Variants in FAM53C observed in about 807,000 individuals in gnomAD.
The protein encoded by FAM53C is family with sequence similarity 53 member C.
FAM53C carries 10 observed loss-of-function variants against 34.7 expected under a neutral mutation model. That is an observed-to-expected ratio of 0.29 (90% CI 0.18 to 0.49). The LOEUF (loss-of-function observed/expected upper bound fraction) is 0.49. FAM53C is among the 20% of genes least tolerant of loss of function. The probability of loss-of-function intolerance (pLI) is 0.99; values close to 1 mark genes in which losing one functional copy is unlikely to be tolerated. For synonymous variants in FAM53C, 203 were observed against 203.6 expected, an observed-to-expected ratio of 1.00 and a Z score of 0.03; for missense variants, 442 against 515.3, an observed-to-expected ratio of 0.86 and a Z score of 1.38.
rs574639108 is a variant in FAM53C at position 138,344,074 on chromosome 5, G to A, written c.137-751G>A. On this transcript the variant is annotated intron_variant, in intron 3 of 4. Transcript: ENST00000239906. ...GTCACAATTTTGGTTGGAATACAGT[G>A]AGTGAGGATTGTTTCTTTTAGTCCA... 9.8e-5 allele frequency among the ~76,000 whole-genome samples: 15 copies of A among 152,298 alleles called. No homozygotes were observed. In the South Asian group the frequency reaches 1.9e-3, roughly 19 times the overall value.
At chr5:138,343,054 C>T (rs996361859) in intron 3 of FAM53C, 2 of 150,754 alleles carry the variant, frequency 1.3e-5, no homozygotes, top group African/African-American at 2.4e-5. Context: ...ACAAAAAAAA[C>T]TTTAATATAG....
chr5:138,346,917 G>C lies in FAM53C; in HGVS notation c.1137G>C (p.Arg379=), dbSNP rs141901334. 5.0e-4 allele frequency: 803 copies of C among 1,614,140 alleles called. 3 individuals are homozygous for C. In the African/African-American group the frequency reaches 8.3e-3, roughly 17 times the overall value. The change falls in exon 5 of 5, where the codon CGG becomes CGC. Residue 379 remains arginine (R), a synonymous_variant. Coordinates refer to ENST00000239906, the MANE Select transcript of FAM53C (RefSeq NM_016605.3). ...TGAGCAAGCGGACACTGTGCCAGCGGGACTTTGGGGACCTGGACTTGAATT... is the reference window on the plus strand; with the variant it reads ...TGAGCAAGCGGACACTGTGCCAGCGCGACTTTGGGGACCTGGACTTGAATT... ...QALSKRTLCQ[R]DFGDLDLNLI...
chr5:138,345,341 A>G lies in FAM53C; in HGVS notation c.653A>G (p.Asp218Gly), dbSNP rs1476922080. 2 of 1,614,022 alleles carry G rather than the reference A, an allele frequency of 1.2e-6. No individual in the cohort carries two copies. The highest frequency in any genetic ancestry group is 1.7e-6 in the Non-Finnish European group (2 of 1,180,026). Residue 218 changes from aspartate to glycine, a missense_variant, in exon 4 of 5, where the codon GAT becomes GGT. By Grantham distance (94) the Asp-to-Gly change is moderately conservative (BLOSUM62 -1). Transcript: ENST00000239906. This position sits in a 1 kb window ranked among gnomAD's most constrained non-coding sequence, Gnocchi z 6.3. ...CCTCAAAGTGGCTCCTGGGAGAGTG[A>G]TGCTGAGTCCTTGTCACCTTGCCCA... ...ASPQSGSWES[D>G]AESLSPCPPQ...
At position 138,338,314 on chromosome 5, in the gene FAM53C, G is replaced by A. The variant is rs573063940; in HGVS notation, c.-153+7G>A. On this transcript the variant is annotated splice_region_variant and intron_variant, in intron 1 of 4. Transcript: ENST00000239906. Reference sequence around the variant, plus strand: ...GGGAGCTGGAGGAACCGCGGTAGGTGGTGGAGGGCAGGTGGCGCTGGGGCC... The same window carrying A: ...GGGAGCTGGAGGAACCGCGGTAGGTAGTGGAGGGCAGGTGGCGCTGGGGCC... 2 of 523,232 alleles carry A rather than the reference G, an allele frequency of 3.8e-6. No homozygotes were observed. Among genetic ancestry groups the A allele is most frequent in the East Asian group, 7.2e-5 (1 of 13,916 alleles). 32.4% of individuals were successfully genotyped at this position (523,232 alleles called of 1,614,324 possible). A position where few individuals can be genotyped will look rare whatever the true frequency, so the allele number is the denominator to read the frequency against.
rs774010180 is a variant in FAM53C at position 138,344,822 on chromosome 5, C to T, written c.137-3C>T. On this transcript the variant is annotated splice_region_variant and splice_polypyrimidine_tract_variant and intron_variant, in intron 3 of 4. Coordinates refer to ENST00000239906, the MANE Select transcript of FAM53C (RefSeq NM_016605.3). Reference sequence around the variant, plus strand: ...TATTATTCTTATTATAAATGCCTTCCAGAAGGTGCTTCCTGGAGGGGCCTG... The same window carrying T: ...TATTATTCTTATTATAAATGCCTTCTAGAAGGTGCTTCCTGGAGGGGCCTG... 1.3e-6 allele frequency: 2 copies of T among 1,530,194 alleles called. No homozygotes were observed. Among genetic ancestry groups the T allele is most frequent in the East Asian group, 2.3e-5 (1 of 43,870 alleles). 94.8% of individuals were successfully genotyped at this position (1,530,194 alleles called of 1,614,324 possible).
rs1000041722 is a variant in FAM53C at position 138,348,927 on chromosome 5, G to T, written c.*1968G>T. The T allele has an allele frequency of 1.3e-5, 2 of 152,260 alleles. No homozygotes were observed. The highest frequency in any genetic ancestry group is 4.8e-5 in the African/African-American group (2 of 41,458). The allele number at this position is 152,260 out of a possible 1,614,324, so 9.4% of individuals were successfully genotyped here. A position where few individuals can be genotyped will look rare whatever the true frequency, so the allele number is the denominator to read the frequency against. On this transcript the variant is annotated 3_prime_UTR_variant, in exon 5 of 5. Coordinates refer to ENST00000239906, the MANE Select transcript of FAM53C (RefSeq NM_016605.3). ...TCTCTGCTGTAGATTGGCTGTGCCA[G>T]CTTCCAACAGGTTACTGGCAATGCC...
At position 138,347,140 on chromosome 5, in the gene FAM53C, C is replaced by G. The variant is rs1197463119; in HGVS notation, c.*181C>G. On this transcript the variant is annotated 3_prime_UTR_variant, in exon 5 of 5. Coordinates refer to ENST00000239906, the MANE Select transcript of FAM53C (RefSeq NM_016605.3). ...GACCATGCCAAGAGACTGGCCGGGA[C>G]AAGATAAACGGAGCTGGTGGCGGGA... 3.5e-6 allele frequency: 3 copies of G among 851,194 alleles called. No individual in the cohort carries two copies. The highest frequency in any genetic ancestry group is 1.7e-5 in the African/African-American group (1 of 58,928). 52.7% of individuals were successfully genotyped at this position (851,194 alleles called of 1,614,324 possible).
At chr5:138,344,472 TCTTGA>T (rs1761114555) in intron 3 of FAM53C, among the ~76,000 whole-genome samples, 1 of 152,370 alleles carries the variant, frequency 6.6e-6, no homozygotes, top group African/African-American at 2.4e-5. Flanking sequence ...TGTTTGTTTC[TCTTGA>T]CTTCTTTTAC....
rs1382809277 is a variant in FAM53C, at chr5:138,346,574, A to G, written c.922-128A>G. On this transcript the variant is annotated intron_variant, in intron 4 of 4. Transcript: ENST00000239906. Reference sequence around the variant, plus strand: ...GGGAGGCAGAGCTTGCAGTGAGCCAAGATCACGCCACTGCACTCCAGCCAG... The same window carrying G: ...GGGAGGCAGAGCTTGCAGTGAGCCAGGATCACGCCACTGCACTCCAGCCAG... 4.2e-6 allele frequency: 5 copies of G among 1,192,412 alleles called. No homozygotes were observed. In the African/African-American group the frequency reaches 4.6e-5, roughly 11 times the overall value. 73.9% of individuals were successfully genotyped at this position (1,192,412 alleles called of 1,614,324 possible).
rs1761266818 is a variant in FAM53C, at chr5:138,349,618, T to C, written c.*2659T>C. ...GAAAAAAATTTTCGTAAACTTTGTT[T>C]TATATTAAAAGAAAAATCCATAAGT... is the stretch of plus-strand genomic sequence containing the variant. On this transcript the variant is annotated 3_prime_UTR_variant, in exon 5 of 5. Coordinates refer to ENST00000239906, the MANE Select transcript of FAM53C (RefSeq NM_016605.3). 6.6e-6 allele frequency: 1 copy of C among 152,556 alleles called. No homozygotes were observed. The highest frequency in any genetic ancestry group is 1.5e-5 in the Non-Finnish European group (1 of 68,040). 9.5% of individuals were successfully genotyped at this position (152,556 alleles called of 1,614,324 possible).
chr5:138,344,593 C>T (rs1761116991), intron 3 of FAM53C, among the ~76,000 whole-genome samples: 1 of 152,234 alleles, frequency 6.6e-6, no homozygotes, highest in African/African-American at 2.4e-5. Flanking sequence ...GCCTTCGCAT[C>T]AGACAGACCT....
rs779426709 is a variant in FAM53C, at chr5:138,345,221, C to T, written c.533C>T (p.Ala178Val). The T allele has an allele frequency of 1.9e-6, 3 of 1,614,240 alleles. No homozygotes were observed. Among genetic ancestry groups the T allele is most frequent in the Admixed American group, 1.7e-5 (1 of 60,034 alleles). ...CTCAGGTTCCTCCAAGCTCCCAGTG[C>T]CTCTTCTCAATGTGCCCCAGCTCAC... ...SSLRFLQAPSASSQCAPAHRP... is the reference protein window; with the variant it reads ...SSLRFLQAPSVSSQCAPAHRP... Residue 178 changes from alanine to valine, a missense_variant, in exon 4 of 5, where the codon GCC becomes GTC. By Grantham distance (64) the Ala-to-Val change is moderately conservative (BLOSUM62 0). Coordinates refer to ENST00000239906, the MANE Select transcript of FAM53C (RefSeq NM_016605.3). This position sits in a 1 kb window ranked among gnomAD's most constrained non-coding sequence, Gnocchi z 6.3.
At chr5:138,338,889 C>T (rs1444487694) in intron 1 of FAM53C, among the ~76,000 whole-genome samples, 1 of 152,244 alleles carries the variant, frequency 6.6e-6, no homozygotes, top group African/African-American at 2.4e-5. Flanking sequence ...GGGTTTGTGA[C>T]TCTCCTCCCT....
chr5:138,338,386 TC>T, intron 1 of FAM53C, 79 bp downstream of exon 1: 1 of 361,882 alleles, frequency 2.8e-6, no homozygotes, highest in Admixed American at 4.0e-5. Flanking sequence ...CTCTTTCCCC[TC>T]CCCCAGCCCG....
At chr5:138,339,597 TA>T (rs1760966025) in intron 1 of FAM53C, among the ~76,000 whole-genome samples, 1 of 152,116 alleles carries the variant, frequency 6.6e-6, no homozygotes, top group Admixed American at 6.5e-5. Context: ...GTCTCTAGGG[TA>T]AAATCCTGCA....
Position 138,341,280 on chromosome 5 carries a change from A to C in FAM53C, c.-56A>C. ...CACAAGTGAGGTCTGGAAGAACAAC[A>C]GGGAAGACATCCATCATTTGCTCCA... On this transcript the variant is annotated 5_prime_UTR_variant, in exon 2 of 5. Coordinates refer to ENST00000239906, the MANE Select transcript of FAM53C (RefSeq NM_016605.3). 2 of 1,446,618 alleles carry C rather than the reference A, an allele frequency of 1.4e-6. No homozygotes were observed. Among genetic ancestry groups the C allele is most frequent in the Non-Finnish European group, 1.9e-6 (2 of 1,027,112 alleles). The allele number at this position is 1,446,618 out of a possible 1,614,324, so 89.6% of individuals were successfully genotyped here.
Position 138,347,198 on chromosome 5 carries a change from G to T in FAM53C, c.*239G>T. ...CCCCAGAGCAGACCCTTCCTATGGC[G>T]GCCCTGAGTGTGAGTATCCCTGCCA... is the stretch of plus-strand genomic sequence containing the variant. On this transcript the variant is annotated 3_prime_UTR_variant, in exon 5 of 5. Coordinates refer to ENST00000239906, the MANE Select transcript of FAM53C (RefSeq NM_016605.3). 3.6e-6 allele frequency: 2 copies of T among 562,936 alleles called. No individual in the cohort carries two copies. The highest frequency in any genetic ancestry group is 4.2e-5 in the South Asian group (2 of 47,742). The allele number at this position is 562,936 out of a possible 1,614,324, so 34.9% of individuals were successfully genotyped here.
At chr5:138,337,889 G>A, upstream of FAM53C, 2 of 1,169,664 alleles carry the variant, frequency 1.7e-6, no homozygotes, top group South Asian at 1.3e-5. Context: ...GACGCGGCCC[G>A]AACCGAGTGG....
intron 3 of FAM53C, chr5:138,343,594 G>A (rs1301773816): frequency 6.6e-6 from 1 of 151,984 alleles, no homozygotes; most frequent in Non-Finnish European, 1.5e-5. Flanking sequence ...AAATATATCT[G>A]AGGTATAAAT....
Sources: allele counts gnomAD v4.1 joint callset (sites outside exome capture counted in the v4.1 genomes callset), GRCh38; gene constraint gnomAD v4.1.1; non-coding constraint Gnocchi (gnomAD v3.1); transcripts MANE v1.5; gene names NCBI Gene and HGNC (gene_info 2026-07-23, HGNC 2026-07-21).